GALNT17: variants seen among roughly 807,000 people sequenced by gnomAD.
GALNT17 encodes UDP-GalNAc:polypeptide N-acetylgalactosaminyltransferase-like 3.
Under a neutral mutation model 63.7 loss-of-function variants are expected in GALNT17, and 29 were observed. The ratio of observed to expected loss-of-function variants is 0.46; its 90% CI spans 0.34 to 0.62. GALNT17 has a LOEUF of 0.62. GALNT17 is among the 20% of genes least tolerant of loss of function. The pLI is 0.01. For missense variants in GALNT17, 603 were observed against 799.6 expected (o/e 0.75, Z 2.97); for synonymous variants, 305 against 318.3 (o/e 0.96, Z 0.45).
chr7:71,706,731 T>C (rs1562744240), intron 9 of GALNT17, among the ~76,000 whole-genome samples: 1 of 152,204 alleles, frequency 6.6e-6, no homozygotes, highest in Non-Finnish European at 1.5e-5. Context: ...TCCCTGTCCC[T>C]TGTTCAAGGA....
rs1023793239 is a variant in GALNT17 at position 71,683,779 on chromosome 7, G to A, written c.1500+6473G>A. ...TCCCAGCACTTTGGGAGGCCAAGGC[G>A]GGTGGATCACTTCCAGTCAGGAGTT... is the stretch of plus-strand genomic sequence containing the variant. On this transcript the variant is annotated intron_variant, in intron 9 of 10. Coordinates refer to ENST00000333538, the MANE Select transcript of GALNT17 (RefSeq NM_022479.3). 3.3e-5 allele frequency among the ~76,000 whole-genome samples: 5 copies of A among 152,214 alleles called. No homozygotes were observed. The South Asian group carries it at 6.2e-4, about 19-fold the overall frequency.
chr7:71,457,052 G>A (rs76784004), intron 5 of GALNT17, among the ~76,000 whole-genome samples: 9,490 of 152,196 alleles, frequency 0.062, 628 homozygotes, highest in East Asian at 0.31. Flanking sequence ...CAGTGTGTCT[G>A]CATTTTTACA....
intron 1 of GALNT17, among the ~76,000 whole-genome samples, chr7:71,325,276 G>A (rs1040478961): frequency 6.6e-6 from 1 of 152,178 alleles, no homozygotes; most frequent in African/African-American, 2.4e-5. Context: ...CCTGAGACGC[G>A]GACCGGCAGG....
chr7:71,433,201 G>T (rs989589793), intron 5 of GALNT17, among the ~76,000 whole-genome samples: 1 of 152,184 alleles, frequency 6.6e-6, no homozygotes, highest in Admixed American at 6.5e-5. Context: ...GATAAAAACA[G>T]GAGGTATGCT....
At chr7:71,280,233 G>A (rs1181016418) in intron 1 of GALNT17, among the ~76,000 whole-genome samples, 2 of 152,074 alleles carry the variant, frequency 1.3e-5, no homozygotes, top group African/African-American at 2.4e-5. Context: ...TTCATTCTGG[G>A]CTCAGTGTGA....
chr7:71,196,699 CGTGATCTTGGTTCAA>C (rs1244647724), intron 1 of GALNT17, among the ~76,000 whole-genome samples: 2 of 152,014 alleles, frequency 1.3e-5, no homozygotes, highest in African/African-American at 2.4e-5. Context: ...AGTGCAGTGG[CGTGATCTTGGTTCAA>C]GTGATCTTGG....
intron 6 of GALNT17, among the ~76,000 whole-genome samples, chr7:71,585,971 C>T (rs972385184): frequency 3.5e-5 from 5 of 142,754 alleles, no homozygotes; most frequent in African/African-American, 1.0e-4. Flanking sequence ...AGTGCAGTGG[C>T]ACGATCTTGG....
intron 1 of GALNT17, among the ~76,000 whole-genome samples, chr7:71,218,074 A>C (rs1389812216): frequency 6.6e-6 from 1 of 152,158 alleles, no homozygotes; most frequent in Non-Finnish European, 1.5e-5. Context: ...CGCAGAAATA[A>C]AATAAATGTA....
intron 2 of GALNT17, among the ~76,000 whole-genome samples, chr7:71,344,628 G>T (rs1168434740): frequency 6.6e-6 from 1 of 152,126 alleles, no homozygotes. Flanking sequence ...GCTGGTAGCA[G>T]GATGGCTAAA....
At chr7:71,208,830 G>T (rs1789322194) in intron 1 of GALNT17, among the ~76,000 whole-genome samples, 1 of 151,994 alleles carries the variant, frequency 6.6e-6, no homozygotes, top group African/African-American at 2.4e-5. Context: ...TTTATGATAT[G>T]ATATGGGCTT....
At chr7:71,659,500 G>T (rs1325268542) in intron 6 of GALNT17, among the ~76,000 whole-genome samples, 3 of 152,160 alleles carry the variant, frequency 2.0e-5, no homozygotes, top group Admixed American at 6.5e-5. Flanking sequence ...GAATAGCTGG[G>T]CCTCTATTGC....
intron 1 of GALNT17, among the ~76,000 whole-genome samples, chr7:71,265,125 T>TA (rs58491398): frequency 6.0e-5 from 2 of 33,148 alleles, no homozygotes; most frequent in Admixed American, 8.6e-4. Flanking sequence ...TATATTTTTT[T>TA]TTTTTTTTTT....
intron 9 of GALNT17, among the ~76,000 whole-genome samples, chr7:71,696,785 A>AG (rs1791552585): frequency 6.6e-6 from 1 of 152,182 alleles, no homozygotes; most frequent in African/African-American, 2.4e-5. Flanking sequence ...TGAGCCCAGG[A>AG]GCCAAATAGA....
intron 1 of GALNT17, among the ~76,000 whole-genome samples, chr7:71,288,663 G>C (rs1266800038): frequency 6.6e-6 from 1 of 152,120 alleles, no homozygotes; most frequent in Non-Finnish European, 1.5e-5. Flanking sequence ...CTTGCGTTTA[G>C]CTGGGTTCCT....
intron 5 of GALNT17, among the ~76,000 whole-genome samples, chr7:71,476,143 G>A (rs191277189): frequency 6.6e-6 from 1 of 152,280 alleles, no homozygotes; most frequent in East Asian, 1.9e-4. Flanking sequence ...AGAGAATAAC[G>A]GGATTATGAG....
chr7:71,621,157 A>G (rs1366088106), intron 6 of GALNT17, among the ~76,000 whole-genome samples: 3 of 152,170 alleles, frequency 2.0e-5, no homozygotes, highest in Non-Finnish European at 2.9e-5. Context: ...TTAGCCACTC[A>G]GCTATTAATC....
At chr7:71,595,623 G>T (rs1289296329) in intron 6 of GALNT17, among the ~76,000 whole-genome samples, 1 of 150,756 alleles carries the variant, frequency 6.6e-6, no homozygotes, top group African/African-American at 2.4e-5. Context: ...ATATGTGTTG[G>T]CTCAAGACTC....
intron 5 of GALNT17, among the ~76,000 whole-genome samples, chr7:71,548,733 TC>T (rs1214798884): frequency 6.6e-6 from 1 of 152,206 alleles, no homozygotes; most frequent in African/African-American, 2.4e-5. Flanking sequence ...CTCAGGTATT[TC>T]TTCATAGGAG....
intron 9 of GALNT17, among the ~76,000 whole-genome samples, chr7:71,681,848 A>G (rs952098615): frequency 6.6e-6 from 1 of 152,144 alleles, no homozygotes; most frequent in East Asian, 1.9e-4. Flanking sequence ...TAGCTTCCCC[A>G]TGTGGCTCTA....
Sources: allele counts gnomAD v4.1 joint callset (sites outside exome capture counted in the v4.1 genomes callset), GRCh38; gene constraint gnomAD v4.1.1; transcripts MANE v1.5; gene names NCBI Gene and HGNC (gene_info 2026-07-23, HGNC 2026-07-21).